The following CCT5 variants were observed in gnomAD, a reference collection of about 807,000 sequenced individuals.
CCT5 encodes T-complex protein 1 subunit epsilon.
A neutral mutation model predicts 55.0 loss-of-function variants in CCT5; 6 were observed. The ratio of observed to expected loss-of-function variants is 0.11; its 90% CI spans 0.06 to 0.22. The LOEUF (loss-of-function observed/expected upper bound fraction) is 0.22. Among genes scored for constraint, CCT5 ranks in the 10% least tolerant of loss-of-function variants. The pLI is 1.00. For synonymous variants in CCT5, 231 were observed against 243.7 expected (o/e 0.95, Z 0.49); for missense variants, 560 against 694.6 (o/e 0.81, Z 2.18).
chr5:10,250,259 G>T, upstream of CCT5: 1 of 1,601,092 alleles, frequency 6.2e-7, no homozygotes, highest in Non-Finnish European at 8.5e-7. Context: ...AAGCTTTTGG[G>T]CCCTCCCGAG....
intron 10 of CCT5, 26 bp downstream of exon 10, chr5:10,263,340 GGA>G (rs869079765): frequency 5.5e-6 from 1 of 180,640 alleles, no homozygotes. Context: ...GCCTCTGCGT[GGA>G]GGGGGGGGGA....
At position 10,264,960 on chromosome 5, in the gene CCT5, G is replaced by A; in HGVS notation, c.*177G>A. On this transcript the variant is annotated 3_prime_UTR_variant, in exon 11 of 11. Transcript: ENST00000280326. ...TGTTCAAAGCTGTGTAATCGTGGGG[G>A]TACCATCTCAACTGCTTTTGTATTC... 2 of 745,008 alleles carry A rather than the reference G, an allele frequency of 2.7e-6. No homozygotes were observed. The highest frequency in any genetic ancestry group is 1.8e-5 in the African/African-American group (1 of 56,838). 46.1% of individuals were successfully genotyped at this position (745,008 alleles called of 1,614,324 possible).
rs753337234 is a variant in CCT5, at chr5:10,262,447, A to G, written c.1180-34A>G. 6.8e-6 allele frequency: 11 copies of G among 1,612,392 alleles called. No individual in the cohort carries two copies. In the South Asian group the frequency reaches 1.1e-4, roughly 16 times the overall value. ...TTGGCTCTAAATTGACTAGATCTTGATCACATTAATTCAGGCAAAGCTGTT... is the reference window on the plus strand; with the variant it reads ...TTGGCTCTAAATTGACTAGATCTTGGTCACATTAATTCAGGCAAAGCTGTT... On this transcript the variant is annotated intron_variant, in intron 8 of 10. Transcript: ENST00000280326.
At chr5:10,254,305 T>C in intron 2 of CCT5, 100 bp downstream of exon 2, 1 of 888,082 alleles carries the variant, frequency 1.1e-6, no homozygotes, top group South Asian at 1.4e-5. Context: ...AGGGGAGGCA[T>C]CTTACTTCCT....
At chr5:10,251,531 G>A (rs899084276) in intron 1 of CCT5, among the ~76,000 whole-genome samples, 5 of 152,162 alleles carry the variant, frequency 3.3e-5, no homozygotes, top group Non-Finnish European at 4.4e-5. Flanking sequence ...TTCACTTAGT[G>A]TCTTGGAGGT....
At chr5:10,258,338 G>A (rs1267778134) in intron 5 of CCT5, 35 bp downstream of exon 5, 4 of 1,613,882 alleles carry the variant, frequency 2.5e-6, no homozygotes, top group Non-Finnish European at 3.4e-6. Context: ...CGCACTGTTG[G>A]TTAACTCTTA....
chr5:10,256,941 C>T (rs574890415), intron 4 of CCT5, among the ~76,000 whole-genome samples: 135 of 152,338 alleles, frequency 8.9e-4, no homozygotes, highest in Admixed American at 1.9e-3. Flanking sequence ...AGACACAGCT[C>T]TTCTCCCAGG....
intron 10 of CCT5, 123 bp downstream of exon 10, chr5:10,263,437 T>TTCAAG (rs1746075941): frequency 1.1e-6 from 1 of 884,448 alleles, no homozygotes; most frequent in Admixed American, 2.1e-5. Flanking sequence ...ACTTCAGGTG[T>TTCAAG]TCAAGTCCTG....
In CCT5 at chr5:10,266,177, T is replaced by TA. The variant is rs1478565924; in HGVS notation, c.*1395dup. On this transcript the variant is annotated 3_prime_UTR_variant, in exon 11 of 11. Transcript: ENST00000280326. ...GACTGAGTCTAGCCTACAGAGAACA[T>TA]ACAGCAGCCTTCTTTGGACCACAGT... 6.6e-6 allele frequency: 1 copy of TA among 152,192 alleles called. No homozygotes were observed. The allele number at this position is 152,192 out of a possible 1,614,324, so 9.4% of individuals were successfully genotyped here. A position where few individuals can be genotyped will look rare whatever the true frequency, so the allele number is the denominator to read the frequency against.
At chr5:10,254,122 G>T in intron 1 of CCT5, 23 bp from the exon 2 acceptor site, 1 of 1,548,958 alleles carries the variant, frequency 6.5e-7, no homozygotes, top group Non-Finnish European at 8.9e-7. Context: ...AACAGTGTTT[G>T]CTTTTTCTGT....
upstream of CCT5, chr5:10,250,011 C>T (rs1166406195): frequency 2.0e-6 from 3 of 1,529,592 alleles, no homozygotes; most frequent in East Asian, 7.4e-5. Context: ...TCAATGAATT[C>T]CTCCTTGGGA....
upstream of CCT5, chr5:10,249,989 T>G: frequency 4.8e-6 from 7 of 1,447,706 alleles, no homozygotes; most frequent in South Asian, 8.5e-5. Context: ...AATAAAGAAA[T>G]AGTGCTTTAA....
At chr5:10,254,392 CTTTTT>C (rs57187607) in intron 2 of CCT5, 187 bp downstream of exon 2, 78 of 515,926 alleles carry the variant, frequency 1.5e-4, no homozygotes, top group Non-Finnish European at 1.9e-4. Context: ...TAGGTCGGAC[CTTTTT>C]TTTTTTTTTT....
At chr5:10,250,731 C>T in intron 1 of CCT5, 2 of 1,258,570 alleles carry the variant, frequency 1.6e-6, no homozygotes, top group South Asian at 2.0e-5. Context: ...AAAGCGGGAC[C>T]GCCTCCCCGC....
intron 2 of CCT5, 155 bp from the exon 3 acceptor site, chr5:10,254,518 TA>T (rs768274657): frequency 1.4e-6 from 1 of 707,670 alleles, no homozygotes; most frequent in Non-Finnish European, 2.5e-6. Flanking sequence ...TTAGCCAATC[TA>T]AAAATGCCTT....
intron 1 of CCT5, among the ~76,000 whole-genome samples, chr5:10,253,613 G>C (rs1455508109): frequency 6.6e-6 from 1 of 152,100 alleles, no homozygotes; most frequent in African/African-American, 2.4e-5. Context: ...GTTTACAGTT[G>C]GACTGTTTCT....
At chr5:10,252,284 A>G (rs1490602733) in intron 1 of CCT5, among the ~76,000 whole-genome samples, 1 of 152,186 alleles carries the variant, frequency 6.6e-6, no homozygotes, top group East Asian at 1.9e-4. Flanking sequence ...GAACCAAAAT[A>G]TATGGAAATT....
At chr5:10,255,779 C>T (rs888042451) in intron 3 of CCT5, among the ~76,000 whole-genome samples, 176 bp from the exon 4 acceptor site, 1 of 152,164 alleles carries the variant, frequency 6.6e-6, no homozygotes, top group Non-Finnish European at 1.5e-5. Context: ...ATTCGACCTT[C>T]GCTAGAACTA....
intron 4 of CCT5, among the ~76,000 whole-genome samples, chr5:10,256,858 A>G (rs910611731): frequency 6.6e-6 from 1 of 152,142 alleles, no homozygotes; most frequent in Non-Finnish European, 1.5e-5. Context: ...CTTGAAAGCG[A>G]CTTGTCTCTG....
Sources: gnomAD v4.1 joint callset for allele counts (sites outside exome capture counted in the v4.1 genomes callset) on GRCh38, gnomAD v4.1.1 for gene constraint, MANE v1.5 for transcripts, NCBI Gene and HGNC (gene_info 2026-07-23, HGNC 2026-07-21) for gene names.